SCUBE3: variants seen among roughly 807,000 people sequenced by gnomAD.
SCUBE3 encodes the protein signal peptide, CUB and EGF-like domain-containing protein 3.
In SCUBE3, 33 loss-of-function variants were observed where a neutral mutation model predicts 116.8. The ratio of observed to expected loss-of-function variants is 0.28; its 90% CI spans 0.21 to 0.38. SCUBE3 has a LOEUF of 0.38. SCUBE3 is among the 10% of genes least tolerant of loss of function. The pLI, the probability that SCUBE3 is intolerant of heterozygous loss-of-function variation, is 1.00. For missense variants in SCUBE3, 1,007 were observed against 1,324.8 expected (o/e 0.76, Z 3.72); for synonymous variants, 418 against 496.9 (o/e 0.84, Z 2.11).
chr6:35,225,869 A>C (rs1783302245), intron 1 of SCUBE3, among the ~76,000 whole-genome samples: 1 of 152,250 alleles, frequency 6.6e-6, no homozygotes, highest in Admixed American at 6.5e-5. Context: ...TCTGCATTTT[A>C]ATAAAACCTA....
rs1168494465 is a variant in SCUBE3 at position 35,231,113 on chromosome 6, A to G, written c.335-612A>G. On this transcript the variant is annotated intron_variant, in intron 3 of 21. Transcript: ENST00000274938. This position sits in a 1 kb window ranked among gnomAD's most constrained non-coding sequence, Gnocchi z 4.2. ...TTGTTTTGTTAAGCCAAAATAGGAG[A>G]AAGGCTAGGGAATATGGCAGCAAGC... 6.6e-6 allele frequency among the ~76,000 whole-genome samples: 1 copy of G among 151,976 alleles called. No individual in the cohort carries two copies. Among genetic ancestry groups the G allele is most frequent in the East Asian group, 1.9e-4 (1 of 5,176 alleles).
rs1034533894 is a variant in SCUBE3 at position 35,219,110 on chromosome 6, T to C, written c.85+4607T>C. 6.6e-6 allele frequency among the ~76,000 whole-genome samples: 1 copy of C among 152,188 alleles called. No homozygotes were observed. Among genetic ancestry groups the C allele is most frequent in the Non-Finnish European group, 1.5e-5 (1 of 68,040 alleles). Reference sequence around the variant, plus strand: ...CCTGCCTGAGGCTAGGTCATCTGGATACTCTTCCTTTCTTCCCCCACCCCA... The same window carrying C: ...CCTGCCTGAGGCTAGGTCATCTGGACACTCTTCCTTTCTTCCCCCACCCCA... On this transcript the variant is annotated intron_variant, in intron 1 of 21. Transcript: ENST00000274938. This position sits in a 1 kb window ranked among gnomAD's most constrained non-coding sequence, Gnocchi z 4.7.
chr6:35,238,888 G>A (rs1256863069), intron 7 of SCUBE3, among the ~76,000 whole-genome samples: 1 of 152,146 alleles, frequency 6.6e-6, no homozygotes, highest in Non-Finnish European at 1.5e-5. Flanking sequence ...CAACAGCTGC[G>A]AGAGGAGGGG....
Position 35,237,929 on chromosome 6 carries a change from G to A in SCUBE3, c.740G>A (p.Cys247Tyr). ...ACCTGTGCTGTCAACAACGGGGGCT[G>A]TGACAGTAAGTGCCATGATGCAGCG... is the stretch of plus-strand genomic sequence containing the variant. ...IETCAVNNGG[C>Y]DSKCHDAATG... The change falls in exon 7 of 22, where the codon TGT becomes TAT. Residue 247 changes from cysteine to tyrosine, a missense_variant. Physicochemically the swap from Cys to Tyr is radical, Grantham distance 194 (BLOSUM62 -2). Coordinates refer to ENST00000274938, the MANE Select transcript of SCUBE3 (RefSeq NM_152753.4). 3 of 1,612,192 alleles carry A rather than the reference G, an allele frequency of 1.9e-6. No homozygotes were observed. Among genetic ancestry groups the A allele is most frequent in the Non-Finnish European group, 2.5e-6 (3 of 1,178,294 alleles).
In SCUBE3 at chr6:35,228,830, A is replaced by G; in HGVS notation, c.334+91A>G. The G allele has an allele frequency of 7.3e-7, 1 of 1,362,826 alleles. No individual in the cohort carries two copies. Among genetic ancestry groups the G allele is most frequent in the Non-Finnish European group, 1.0e-6 (1 of 959,572 alleles). The allele number at this position is 1,362,826 out of a possible 1,614,324, so 84.4% of individuals were successfully genotyped here. ...CCTATTTCCCAGGGAAGGAGGAGAG[A>G]GTGATCAAGAAGAGCTACATTCACA... On this transcript the variant is annotated intron_variant, in intron 3 of 21. Transcript: ENST00000274938. This position sits in a 1 kb window ranked among gnomAD's most constrained non-coding sequence, Gnocchi z 4.9.
rs1784464779 is a variant in SCUBE3, at chr6:35,249,133, CA to C, written c.*429del. On this transcript the variant is annotated 3_prime_UTR_variant, in exon 22 of 22. Transcript: ENST00000274938. ...CATTATAGGGTTGTGCCTTGCTAGT[CA>C]GGGGCCAAAATGTCCCCTGGCTCTG... The C allele has an allele frequency of 6.2e-6, 1 of 161,518 alleles. No individual in the cohort carries two copies. The highest frequency in any genetic ancestry group is 2.4e-5 in the African/African-American group (1 of 41,494). 10.0% of individuals were successfully genotyped at this position (161,518 alleles called of 1,614,324 possible). A position where few individuals can be genotyped will look rare whatever the true frequency, so the allele number is the denominator to read the frequency against.
chr6:35,240,187 G>A lies in SCUBE3; in HGVS notation c.953-187G>A, dbSNP rs574836524. Among the ~76,000 whole-genome samples, 1 of 152,136 alleles carries A rather than the reference G, an allele frequency of 6.6e-6. No homozygotes were observed. The highest frequency in any genetic ancestry group is 2.4e-5 in the African/African-American group (1 of 41,410). On this transcript the variant is annotated intron_variant, in intron 8 of 21. Coordinates refer to ENST00000274938, the MANE Select transcript of SCUBE3 (RefSeq NM_152753.4). The surrounding 1 kb of genome is among the most constrained non-coding windows in gnomAD (Gnocchi z 4.6). ...CAGATCTTGCAGTTCCTAATTCCAAGGACTTCAAATAGAGGGGGCAGAGAA... is the reference window on the plus strand; with the variant it reads ...CAGATCTTGCAGTTCCTAATTCCAAAGACTTCAAATAGAGGGGGCAGAGAA...
chr6:35,246,727 G>T (rs1784355256), intron 21 of SCUBE3, among the ~76,000 whole-genome samples: 1 of 152,228 alleles, frequency 6.6e-6, no homozygotes, highest in African/African-American at 2.4e-5. Context: ...TGTCATCCCA[G>T]CACTTTGGGA....
intron 1 of SCUBE3, among the ~76,000 whole-genome samples, chr6:35,216,771 G>GT (rs1782911326): frequency 6.6e-6 from 1 of 152,180 alleles, no homozygotes; most frequent in Non-Finnish European, 1.5e-5. Context: ...CCCTTGGCAA[G>GT]TATCTTGCAC....
intron 3 of SCUBE3, among the ~76,000 whole-genome samples, chr6:35,229,601 T>A (rs777237896): frequency 2.9e-4 from 44 of 152,264 alleles, no homozygotes; most frequent in Non-Finnish European, 4.4e-4. Flanking sequence ...AGGCTTGTTT[T>A]CTCCCAGTTC....
chr6:35,232,203 A>T lies in SCUBE3; in HGVS notation c.469+344A>T, dbSNP rs923082056. On this transcript the variant is annotated intron_variant, in intron 4 of 21. Coordinates refer to ENST00000274938, the MANE Select transcript of SCUBE3 (RefSeq NM_152753.4). This position sits in a 1 kb window ranked among gnomAD's most constrained non-coding sequence, Gnocchi z 4.2. Reference sequence around the variant, plus strand: ...GGCCTCACCATATCTTTTTCCTTGGATTGGCATGGGAGGGTCAGGCAGGAA... The same window carrying T: ...GGCCTCACCATATCTTTTTCCTTGGTTTGGCATGGGAGGGTCAGGCAGGAA... Among the ~76,000 whole-genome samples, 1 of 151,916 alleles carries T rather than the reference A, an allele frequency of 6.6e-6. No individual in the cohort carries two copies. Among genetic ancestry groups the T allele is most frequent in the Non-Finnish European group, 1.5e-5 (1 of 67,992 alleles).
In SCUBE3 at chr6:35,239,692, T is replaced by C. The variant is rs1484834035; in HGVS notation, c.830-60T>C. 7 of 1,552,038 alleles carry C rather than the reference T, an allele frequency of 4.5e-6. No homozygotes were observed. In the Admixed American group the frequency reaches 7.4e-5, roughly 16 times the overall value. On this transcript the variant is annotated intron_variant, in intron 7 of 21. Coordinates refer to ENST00000274938, the MANE Select transcript of SCUBE3 (RefSeq NM_152753.4). This position sits in a 1 kb window ranked among gnomAD's most constrained non-coding sequence, Gnocchi z 4.1. Reference sequence around the variant, plus strand: ...TCTGTCAGTGAGGGAGGGATCTTTCTCCTTGTTTGTTCTCAGCCTTTGATA... The same window carrying C: ...TCTGTCAGTGAGGGAGGGATCTTTCCCCTTGTTTGTTCTCAGCCTTTGATA...
Position 35,243,993 on chromosome 6 carries a change from A to G in SCUBE3, c.2102A>G (p.Asp701Gly). 1 of 1,614,118 alleles carries G rather than the reference A, an allele frequency of 6.2e-7. No individual in the cohort carries two copies. ...GQCPPGQHSV[D>G]GFKPCQPCPR... ...TGCCCACCTGGCCAACACTCTGTAG[A>G]TGGGTTCAAGCCCTGTCAGCCATGC... Residue 701 changes from aspartate to glycine, a missense_variant, in exon 17 of 22, where the codon GAT becomes GGT. Asp to Gly is a moderately conservative substitution (Grantham distance 94). This residue lies in a region of SCUBE3 where 544 missense variants were observed against 638.9 expected (regional missense o/e 0.85). Coordinates refer to ENST00000274938, the MANE Select transcript of SCUBE3 (RefSeq NM_152753.4). The surrounding 1 kb of genome is among the most constrained non-coding windows in gnomAD (Gnocchi z 6.6).
Position 35,249,313 on chromosome 6 carries a change from C to A in SCUBE3, c.*608C>A. ...GTCTATACAGATCCTCTCTTTCTTTCCCTACGTCTGCCTGGGGTCTACTCC... is the reference window on the plus strand; with the variant it reads ...GTCTATACAGATCCTCTCTTTCTTTACCTACGTCTGCCTGGGGTCTACTCC... On this transcript the variant is annotated 3_prime_UTR_variant, in exon 22 of 22. Coordinates refer to ENST00000274938, the MANE Select transcript of SCUBE3 (RefSeq NM_152753.4). 1 of 152,930 alleles carries A rather than the reference C, an allele frequency of 6.5e-6. No homozygotes were observed. Among genetic ancestry groups the A allele is most frequent in the Non-Finnish European group, 1.5e-5 (1 of 68,230 alleles). The allele number at this position is 152,930 out of a possible 1,614,324, so 9.5% of individuals were successfully genotyped here. A position where few individuals can be genotyped will look rare whatever the true frequency, so the allele number is the denominator to read the frequency against.
At position 35,251,150 on chromosome 6, in the gene SCUBE3, C is replaced by CTTTTTTTTTTTTT. The variant is rs66748362; in HGVS notation, c.*2454_*2466dup. 1 of 84,428 alleles carries CTTTTTTTTTTTTT rather than the reference C, an allele frequency of 1.2e-5. No homozygotes were observed. The highest frequency in any genetic ancestry group is 2.5e-5 in the Non-Finnish European group (1 of 40,692). 5.2% of individuals were successfully genotyped at this position (84,428 alleles called of 1,614,324 possible). On this transcript the variant is annotated 3_prime_UTR_variant, in exon 22 of 22. Coordinates refer to ENST00000274938, the MANE Select transcript of SCUBE3 (RefSeq NM_152753.4). Reference sequence around the variant, plus strand: ...CTAGGATAACTTTCTTTCTTTCTTTCTTTTTTTTTTTTTTTTTTTTTGAGA... The same window carrying CTTTTTTTTTTTTT: ...CTAGGATAACTTTCTTTCTTTCTTTCTTTTTTTTTTTTTTTTTTTTTTTTTTTTTTTTTTGAGA...
intron 1 of SCUBE3, 85 bp from the exon 2 acceptor site, chr6:35,227,495 G>A: frequency 6.9e-7 from 1 of 1,443,230 alleles, no homozygotes; most frequent in Non-Finnish European, 9.7e-7. Flanking sequence ...GAGAAGAGGG[G>A]ATTCTGCCCT....
In SCUBE3 at chr6:35,244,043, G is replaced by A; in HGVS notation, c.2152G>A (p.Ala718Thr). The change falls in exon 17 of 22, where the codon GCA becomes ACA. Residue 718 changes from alanine to threonine, a missense_variant. Around this residue, in one of 5 missense-constraint regions of SCUBE3, gnomAD observed 544 missense variants for 638.9 expected, o/e 0.85. Transcript: ENST00000274938. The surrounding 1 kb of genome is among the most constrained non-coding windows in gnomAD (Gnocchi z 4.3). Reference sequence around the variant, plus strand: ...CCCACGTGGCACCTACCAACCTGAAGCAGGACGGACCCTATGCTTCCCTTG... The same window carrying A: ...CCCACGTGGCACCTACCAACCTGAAACAGGACGGACCCTATGCTTCCCTTG... ...PCPRGTYQPE[A>T]GRTLCFPCGG... 6.2e-7 allele frequency: 1 copy of A among 1,614,126 alleles called. No homozygotes were observed. Among genetic ancestry groups the A allele is most frequent in the Non-Finnish European group, 8.5e-7 (1 of 1,179,968 alleles).
At chr6:35,242,095 C>T (rs1784090852) in intron 12 of SCUBE3, 109 bp from the exon 13 acceptor site, 2 of 901,470 alleles carry the variant, frequency 2.2e-6, no homozygotes, top group Non-Finnish European at 3.7e-6. Context: ...CATAATCTCA[C>T]TCCCCCAGCC....
At chr6:35,216,993 C>T (rs969957223) in intron 1 of SCUBE3, among the ~76,000 whole-genome samples, 31 of 151,574 alleles carry the variant, frequency 2.0e-4, no homozygotes, top group Admixed American at 9.2e-4. Context: ...TTTCTTGTGA[C>T]GTAGTTGCTA....
Sources: gnomAD v4.1 joint callset for allele counts (sites outside exome capture counted in the v4.1 genomes callset) on GRCh38, gnomAD v4.1.1 for gene constraint, gnomAD v4.1.1 regional missense constraint, Gnocchi (gnomAD v3.1) non-coding constraint, MANE v1.5 for transcripts, NCBI Gene and HGNC (gene_info 2026-07-23, HGNC 2026-07-21) for gene names.